AMD1: variants seen among roughly 807,000 people sequenced by gnomAD.
The protein encoded by AMD1 is S-adenosylmethionine decarboxylase proenzyme.
AMD1 carries 11 observed loss-of-function variants against 40.2 expected under a neutral mutation model. The ratio of observed to expected loss-of-function variants is 0.27; its 90% CI spans 0.17 to 0.45. The LOEUF is 0.45. Among genes scored for constraint, AMD1 ranks in the 20% least tolerant of loss-of-function variants. The probability of loss-of-function intolerance (pLI) is 1.00; values close to 1 mark genes in which losing one functional copy is unlikely to be tolerated. For synonymous variants in AMD1, 121 were observed against 130.8 expected (o/e 0.93, Z 0.51); for missense variants, 257 against 410.2 (o/e 0.63, Z 3.23).
chr6:110,851,019 A>C, the AMD1 span, among the ~76,000 whole-genome samples: 1 of 152,142 alleles, frequency 6.6e-6, no homozygotes. Flanking sequence ...GCTGGAGTGC[A>C]GTGGTGCAAT....
chr6:110,835,159 C>T, the AMD1 span, among the ~76,000 whole-genome samples: 1 of 150,910 alleles, frequency 6.6e-6, no homozygotes, highest in South Asian at 2.1e-4. Flanking sequence ...GCTGGGACTA[C>T]AGGCGCCCGC....
the AMD1 span, among the ~76,000 whole-genome samples, chr6:110,853,941 T>G: frequency 6.6e-6 from 1 of 152,212 alleles, no homozygotes; most frequent in Non-Finnish European, 1.5e-5. Context: ...CTAAACCCTA[T>G]GTCACTTAGC....
At chr6:110,888,239 T>G (rs1785805660) in intron 2 of AMD1, 1 of 152,246 alleles carries the variant, frequency 6.6e-6, no homozygotes, top group Non-Finnish European at 1.5e-5. Context: ...AGTTAATTTA[T>G]TCCATAAATA....
chr6:110,878,941 A>G (rs754452781), intron 1 of AMD1, among the ~76,000 whole-genome samples: 1 of 152,334 alleles, frequency 6.6e-6, no homozygotes. Context: ...CATTATTGCA[A>G]TATCAATAAT....
chr6:110,874,457 C>A (rs1184235379), upstream of AMD1, among the ~76,000 whole-genome samples: 5 of 151,556 alleles, frequency 3.3e-5, no homozygotes, highest in Admixed American at 3.3e-4. Flanking sequence ...TTCTGCTAAT[C>A]ATTTTTTTTT....
chr6:110,886,922 A>G (rs960359261), intron 1 of AMD1, among the ~76,000 whole-genome samples: 6 of 152,194 alleles, frequency 3.9e-5, no homozygotes, highest in African/African-American at 1.4e-4. Context: ...CTTCATTGCT[A>G]TGGTTGCTTG....
At chr6:110,860,979 A>G in the AMD1 span, among the ~76,000 whole-genome samples, 9 of 152,022 alleles carry the variant, frequency 5.9e-5, no homozygotes, top group South Asian at 8.3e-4. Flanking sequence ...TAATCTCAGC[A>G]CTTTGGGAGG....
At chr6:110,818,350 A>G in the AMD1 span, among the ~76,000 whole-genome samples, 1 of 152,154 alleles carries the variant, frequency 6.6e-6, no homozygotes, top group Non-Finnish European at 1.5e-5. Context: ...ATTGGTTTAC[A>G]GGAATAACAT....
chr6:110,888,721 AATGTGT>A, intron 2 of AMD1, 130 bp from the exon 3 acceptor site: 1 of 803,114 alleles, frequency 1.2e-6, no homozygotes, highest in Non-Finnish European at 1.9e-6. Context: ...GGAAAAGAAT[AATGTGT>A]TACTTGCTTC....
chr6:110,874,820 T>A lies in AMD1; in HGVS notation c.-286T>A, dbSNP rs1248521028. On this transcript the variant is annotated 5_prime_UTR_variant, in exon 1 of 9. Transcript: ENST00000368885. ...TATGGCCGGCGACATTAGCTAGCGC[T>A]CGCTCTACTCTCTCTAACGGGAAAG... 9.2e-6 allele frequency: 3 copies of A among 326,748 alleles called. No homozygotes were observed. Among genetic ancestry groups the A allele is most frequent in the East Asian group, 1.2e-4 (2 of 16,468 alleles). 20.2% of individuals were successfully genotyped at this position (326,748 alleles called of 1,614,324 possible).
chr6:110,870,548 G>A (rs535022385), upstream of AMD1, among the ~76,000 whole-genome samples: 17 of 152,114 alleles, frequency 1.1e-4, no homozygotes, highest in Admixed American at 3.9e-4. Flanking sequence ...ACTTGAGCCC[G>A]GGGAAGTTGA....
chr6:110,858,863 C>T, the AMD1 span: 1 of 792,644 alleles, frequency 1.3e-6, no homozygotes. Flanking sequence ...CATCAGCCTC[C>T]AGATGGGTAC....
At chr6:110,827,331 GTGGGTTTCAC>G in the AMD1 span, among the ~76,000 whole-genome samples, 2 of 150,180 alleles carry the variant, frequency 1.3e-5, no homozygotes, top group Non-Finnish European at 3.0e-5. Context: ...GTTTTTTAAG[GTGGGTTTCAC>G]TGTGTTGCCC....
At chr6:110,868,050 C>A in the AMD1 span, among the ~76,000 whole-genome samples, 1 of 151,966 alleles carries the variant, frequency 6.6e-6, no homozygotes, top group African/African-American at 2.4e-5. Flanking sequence ...GTCTGGAACT[C>A]CTGGCCTCAA....
chr6:110,854,718 G>A, the AMD1 span, among the ~76,000 whole-genome samples: 48 of 152,244 alleles, frequency 3.2e-4, no homozygotes, highest in African/African-American at 1.1e-3. Flanking sequence ...AAAGTGCTAG[G>A]ATTACAGGAG....
chr6:110,828,024 C>G, the AMD1 span, among the ~76,000 whole-genome samples: 1 of 152,090 alleles, frequency 6.6e-6, no homozygotes, highest in African/African-American at 2.4e-5. Flanking sequence ...AGCTACAAAA[C>G]AAAAACAAAG....
the AMD1 span, chr6:110,815,314 A>G: frequency 3.4e-6 from 2 of 580,786 alleles, no homozygotes; most frequent in South Asian, 4.2e-5. Context: ...CTCGGCGGCC[A>G]CAGCAGCCAC....
At chr6:110,856,895 G>C in the AMD1 span, among the ~76,000 whole-genome samples, 1 of 152,194 alleles carries the variant, frequency 6.6e-6, no homozygotes, top group African/African-American at 2.4e-5. Context: ...CAGGTACAGT[G>C]GCTCACGTCT....
chr6:110,861,640 G>A, the AMD1 span, among the ~76,000 whole-genome samples: 2 of 151,996 alleles, frequency 1.3e-5, no homozygotes, highest in Admixed American at 6.6e-5. Context: ...TGAGGAGCTC[G>A]AGACCAGCCT....
Sources: allele counts gnomAD v4.1 joint callset (sites outside exome capture counted in the v4.1 genomes callset), GRCh38; gene constraint gnomAD v4.1.1; transcripts MANE v1.5; gene names NCBI Gene and HGNC (gene_info 2026-07-23, HGNC 2026-07-21).